MEMO1: variants seen among roughly 807,000 people sequenced by gnomAD.
The protein encoded by MEMO1 is protein MEMO1.
Under a neutral mutation model 45.2 loss-of-function variants are expected in MEMO1, and 6 were observed. That is an observed-to-expected ratio of 0.13 (90% confidence interval 0.07 to 0.26). MEMO1 has a LOEUF of 0.26. MEMO1 is among the 10% of genes least tolerant of loss of function. The pLI, the probability that MEMO1 is intolerant of heterozygous loss-of-function variation, is 1.00. For synonymous variants in MEMO1, 78 were observed against 124.3 expected (o/e 0.63, Z 2.48); for missense variants, 184 against 370.5 (o/e 0.50, Z 4.13).
chr2:31,942,166 T>G (rs1288767922), intron 3 of MEMO1, among the ~76,000 whole-genome samples: 1 of 152,216 alleles, frequency 6.6e-6, no homozygotes, highest in Admixed American at 6.5e-5. Context: ...TAACTGTGTA[T>G]GTGCTAGCTT....
At chr2:31,998,898 C>T (rs557367969) in intron 2 of MEMO1, among the ~76,000 whole-genome samples, 2 of 152,148 alleles carry the variant, frequency 1.3e-5, no homozygotes, top group Non-Finnish European at 2.9e-5. Flanking sequence ...CATACATACA[C>T]TTGACTGTAC....
chr2:32,002,200 C>CACACAT (rs1443305330), intron 2 of MEMO1, among the ~76,000 whole-genome samples: 1 of 131,936 alleles, frequency 7.6e-6, no homozygotes, highest in Non-Finnish European at 1.6e-5. Flanking sequence ...CACACACACA[C>CACACAT]ACATGTATAT....
chr2:32,006,986 AAG>A (rs1401740502), intron 2 of MEMO1, among the ~76,000 whole-genome samples: 11 of 149,608 alleles, frequency 7.4e-5, no homozygotes, highest in African/African-American at 2.0e-4. Context: ...AAAAAAAAAA[AAG>A]AAGTGAGAAT....
chr2:31,976,190 G>C (rs1397140399), intron 2 of MEMO1, among the ~76,000 whole-genome samples: 1 of 152,180 alleles, frequency 6.6e-6, no homozygotes, highest in Non-Finnish European at 1.5e-5. Flanking sequence ...AATAGAGTTG[G>C]AAGTAGAAAA....
At chr2:31,957,321 C>T (rs1347901107) in intron 2 of MEMO1, among the ~76,000 whole-genome samples, 1 of 152,076 alleles carries the variant, frequency 6.6e-6, no homozygotes, top group Non-Finnish European at 1.5e-5. Flanking sequence ...TAACAGAATA[C>T]TATGAAGTCA....
At chr2:31,895,833 AAATCTTTTTTT>A (rs1290166390) in intron 6 of MEMO1, among the ~76,000 whole-genome samples, 11 of 151,280 alleles carry the variant, frequency 7.3e-5, no homozygotes, top group African/African-American at 2.4e-4. Context: ...CACAAGAAAA[AAATCTTTTTTT>A]TTTTTTTTTT....
chr2:32,004,957 GACCAT>G (rs1673869339), intron 2 of MEMO1, among the ~76,000 whole-genome samples: 1 of 149,456 alleles, frequency 6.7e-6, no homozygotes, highest in Non-Finnish European at 1.5e-5. Context: ...CATTTGCATA[GACCAT>G]GATCTAATCA....
chr2:31,916,172 T>C (rs1681407082), intron 6 of MEMO1, among the ~76,000 whole-genome samples: 1 of 152,204 alleles, frequency 6.6e-6, no homozygotes, highest in Non-Finnish European at 1.5e-5. Context: ...AAAAATGTTA[T>C]TTTGTTATAA....
chr2:31,889,801 T>C (rs1191902052), intron 7 of MEMO1, among the ~76,000 whole-genome samples: 1 of 152,118 alleles, frequency 6.6e-6, no homozygotes, highest in African/African-American at 2.4e-5. Flanking sequence ...TTATTAATGA[T>C]GATGATACTA....
intron 8 of MEMO1, among the ~76,000 whole-genome samples, chr2:31,874,377 T>C (rs1674248847): frequency 6.6e-6 from 1 of 152,126 alleles, no homozygotes; most frequent in South Asian, 2.1e-4. Context: ...TTTCAGAGTT[T>C]AGATATCCTA....
At chr2:31,943,231 C>T (rs1414233134) in intron 3 of MEMO1, 71 bp downstream of exon 3, 3 of 1,171,704 alleles carry the variant, frequency 2.6e-6, no homozygotes, top group Non-Finnish European at 3.8e-6. Context: ...TGCCACTGTA[C>T]TTCAGCCTGG....
chr2:31,989,116 G>C (rs1671628141), intron 2 of MEMO1, among the ~76,000 whole-genome samples: 1 of 151,984 alleles, frequency 6.6e-6, no homozygotes, highest in African/African-American at 2.4e-5. Context: ...TGAGGCAGGG[G>C]AATCGCTTGA....
At chr2:31,906,973 A>C (rs941685493) in intron 6 of MEMO1, among the ~76,000 whole-genome samples, 1 of 152,232 alleles carries the variant, frequency 6.6e-6, no homozygotes, top group Non-Finnish European at 1.5e-5. Context: ...ACATCTACAA[A>C]CAGATCTCAG....
chr2:31,870,987 T>G (rs138679167), intron 8 of MEMO1, among the ~76,000 whole-genome samples: 16 of 152,324 alleles, frequency 1.1e-4, no homozygotes, highest in African/African-American at 2.9e-4. Context: ...ATAATAAAAT[T>G]TGTTAGACTA....
At chr2:31,961,722 G>A (rs1668029951) in intron 2 of MEMO1, among the ~76,000 whole-genome samples, 1 of 151,866 alleles carries the variant, frequency 6.6e-6, no homozygotes, top group Non-Finnish European at 1.5e-5. Context: ...AGGGTGCAGT[G>A]ACCCAAGATC....
intron 2 of MEMO1, among the ~76,000 whole-genome samples, chr2:31,957,521 T>C (rs1270085120): frequency 4.6e-5 from 7 of 152,298 alleles, no homozygotes; most frequent in Middle Eastern, 6.8e-3. Flanking sequence ...TAATTAGATA[T>C]ATGTGGGCCA....
chr2:31,920,578 C>T (rs1267238804), intron 5 of MEMO1, among the ~76,000 whole-genome samples: 3 of 152,120 alleles, frequency 2.0e-5, no homozygotes, highest in African/African-American at 7.2e-5. Context: ...TGCACACTGG[C>T]AGATCTGACA....
At chr2:31,923,648 A>G in intron 4 of MEMO1, 1 of 1,548,042 alleles carries the variant, frequency 6.5e-7, no homozygotes, top group Non-Finnish European at 8.7e-7. Flanking sequence ...CAAGAATCAA[A>G]TAATGAGAAA....
chr2:32,010,020 G>A (rs946773899), intron 2 of MEMO1, among the ~76,000 whole-genome samples, 167 bp downstream of exon 2: 1 of 148,582 alleles, frequency 6.7e-6, no homozygotes. Context: ...GGGAGGCGGC[G>A]AGGCCGGCCT....
Sources: gnomAD v4.1 joint callset for allele counts (sites outside exome capture counted in the v4.1 genomes callset) on GRCh38, gnomAD v4.1.1 for gene constraint, MANE v1.5 for transcripts, NCBI Gene and HGNC (gene_info 2026-07-23, HGNC 2026-07-21) for gene names.